Variants in EPS8 observed in about 807,000 individuals in gnomAD.
EPS8 encodes EGFR pathway substrate 8, signaling adaptor, also known as epidermal growth factor receptor kinase substrate 8.
A neutral mutation model predicts 103.8 loss-of-function variants in EPS8; 42 were observed. The ratio of observed to expected loss-of-function variants is 0.40; its 90% CI spans 0.32 to 0.52. The LOEUF is 0.52. Ranked by LOEUF, EPS8 falls within the 20% of genes least tolerant of loss-of-function variation. EPS8 has a pLI of 0.40. For synonymous variants in EPS8, 344 were observed against 344.6 expected, an observed-to-expected ratio of 1.00 and a Z score of 0.02; for missense variants, 969 against 1,005.1, an observed-to-expected ratio of 0.96 and a Z score of 0.49.
At chr12:15,630,887 G>A (rs1012235348) in intron 18 of EPS8, among the ~76,000 whole-genome samples, 2 of 152,072 alleles carry the variant, frequency 1.3e-5, no homozygotes, top group Non-Finnish European at 2.9e-5. Flanking sequence ...AAGTGTCCCT[G>A]GTCTCTACCC....
intron 13 of EPS8, among the ~76,000 whole-genome samples, chr12:15,653,537 TTCTC>T (rs1945452246): frequency 1.3e-5 from 2 of 152,284 alleles, no homozygotes; most frequent in African/African-American, 4.8e-5. Flanking sequence ...TCACTTCTGC[TTCTC>T]TCTCTACCTG....
chr12:15,704,023 T>C lies in EPS8; in HGVS notation c.-21-21051A>G, dbSNP rs1293579807. 6.6e-6 allele frequency among the ~76,000 whole-genome samples: 1 copy of C among 152,020 alleles called. No homozygotes were observed. Among genetic ancestry groups the C allele is most frequent in the Non-Finnish European group, 1.5e-5 (1 of 68,006 alleles). On this transcript the variant is annotated intron_variant, in intron 1 of 20. Coordinates refer to ENST00000281172, the MANE Select transcript of EPS8 (RefSeq NM_004447.6). This position sits in a 1 kb window ranked among gnomAD's most constrained non-coding sequence, Gnocchi z 4.6. ...CTAGAATTATTAGTTACACAAGAAA[T>C]CCAATGAAGCTATCTTCATCCTATT... is the stretch of plus-strand genomic sequence containing the variant.
In EPS8 at chr12:15,670,874, T is replaced by C. The variant is rs1360274232; in HGVS notation, c.186A>G (p.Ile62Met). The C allele has an allele frequency of 1.2e-6, 2 of 1,611,352 alleles. No homozygotes were observed. Among genetic ancestry groups the C allele is most frequent in the African/African-American group, 2.7e-5 (2 of 74,878 alleles). Residue 62 changes from isoleucine to methionine, a missense_variant, in exon 4 of 21, where the codon ATA (isoleucine) becomes ATG (methionine). By Grantham distance (10) the Ile-to-Met change is conservative. Transcript: ENST00000281172. ...ARDSVSSVSDISQYRVEHLTT... is the reference protein window; with the variant it reads ...ARDSVSSVSDMSQYRVEHLTT... ...ATCTTACTTCAACACGGTATTGAGA[T>C]ATATCTGACACACTGCTGACACTGT...
intron 16 of EPS8, 110 bp downstream of exon 16, chr12:15,641,612 C>G (rs984213723): frequency 4.0e-5 from 20 of 497,484 alleles, no homozygotes; most frequent in Non-Finnish European, 6.6e-5. Flanking sequence ...TTCTAATATA[C>G]TACGTCTTTA....
At position 15,701,058 on chromosome 12, in the gene EPS8, TAAAC is replaced by T. The variant is rs1946305464; in HGVS notation, c.-21-18090_-21-18087del. On this transcript the variant is annotated intron_variant, in intron 1 of 20. Transcript: ENST00000281172. This position sits in a 1 kb window ranked among gnomAD's most constrained non-coding sequence, Gnocchi z 5.1. The stretch of plus-strand genomic sequence containing the variant: ...TCTTTATACCATAGTCTCTTAATGA[TAAAC>T]AACCTTATGACTTCAATCTGCTAAA... Among the ~76,000 whole-genome samples the T allele has an allele frequency of 6.6e-6, 1 of 152,184 alleles. No homozygotes were observed. The highest frequency in any genetic ancestry group is 1.5e-5 in the Non-Finnish European group (1 of 68,038).
intron 1 of EPS8, among the ~76,000 whole-genome samples, chr12:15,765,371 T>A (rs1947082772): frequency 6.6e-6 from 1 of 152,174 alleles, no homozygotes; most frequent in Non-Finnish European, 1.5e-5. Context: ...TCTACCCATA[T>A]CAACTGGTGA....
intron 4 of EPS8, 91 bp downstream of exon 4, chr12:15,670,765 G>A: frequency 1.1e-6 from 1 of 877,760 alleles, no homozygotes; most frequent in Non-Finnish European, 1.8e-6. Flanking sequence ...TACATCATAA[G>A]AATGAAATAA....
chr12:15,773,095 A>G (rs1947170989), intron 1 of EPS8, among the ~76,000 whole-genome samples: 1 of 152,190 alleles, frequency 6.6e-6, no homozygotes, highest in Admixed American at 6.5e-5. Context: ...AGGTGGAAAC[A>G]AGACAGAAAT....
chr12:15,787,146 A>G lies in EPS8; in HGVS notation c.-22+2015T>C, dbSNP rs1947320007. ...TATTCTGGATACTATGTTTTCTTATACAAACCTTGGTTCAAGTGACCTGCT... is the reference window on the plus strand; with the variant it reads ...TATTCTGGATACTATGTTTTCTTATGCAAACCTTGGTTCAAGTGACCTGCT... On this transcript the variant is annotated intron_variant, in intron 1 of 20. Transcript: ENST00000281172. This position sits in a 1 kb window ranked among gnomAD's most constrained non-coding sequence, Gnocchi z 4.9. Among the ~76,000 whole-genome samples the G allele has an allele frequency of 6.6e-6, 1 of 152,184 alleles. No individual in the cohort carries two copies. The highest frequency in any genetic ancestry group is 2.4e-5 in the African/African-American group (1 of 41,466).
intron 17 of EPS8, among the ~76,000 whole-genome samples, chr12:15,640,124 A>G (rs1340178701): frequency 6.6e-6 from 1 of 152,270 alleles, no homozygotes; most frequent in Non-Finnish European, 1.5e-5. Context: ...TGGGCCTTCA[A>G]TGAACAAGAA....
rs111831436 is a variant in EPS8 at position 15,731,443 on chromosome 12, G to A, written c.-21-48471C>T. ...ATTCCCAAAAGCTGGGATTACAGGT[G>A]CCTGCCACCACGCCTGGCTAATTTT... On this transcript the variant is annotated intron_variant, in intron 1 of 20. Coordinates refer to ENST00000281172, the MANE Select transcript of EPS8 (RefSeq NM_004447.6). The surrounding 1 kb of genome is among the most constrained non-coding windows in gnomAD (Gnocchi z 5.1). Among the ~76,000 whole-genome samples the A allele has an allele frequency of 6.6e-6, 1 of 152,092 alleles. No individual in the cohort carries two copies. Among genetic ancestry groups the A allele is most frequent in the Non-Finnish European group, 1.5e-5 (1 of 68,012 alleles).
chr12:15,740,419 C>A (rs2136005033), intron 1 of EPS8, among the ~76,000 whole-genome samples: 1 of 152,096 alleles, frequency 6.6e-6, no homozygotes, highest in East Asian at 1.9e-4. Flanking sequence ...GTGGTGCATG[C>A]CTGTAATCCC....
chr12:15,743,106 T>G (rs938307457), intron 1 of EPS8, among the ~76,000 whole-genome samples: 1 of 152,176 alleles, frequency 6.6e-6, no homozygotes, highest in Non-Finnish European at 1.5e-5. Flanking sequence ...CAAGCATTCC[T>G]ATACACCAAT....
Position 15,698,040 on chromosome 12 carries a change from A to C in EPS8, c.-21-15068T>G, listed in dbSNP as rs1215901674. ...AGCTATCAATAAAACTAGAATTGAC[A>C]CTCTTATATCCAACTTTGAGGCAAC... is the stretch of plus-strand genomic sequence containing the variant. On this transcript the variant is annotated intron_variant, in intron 1 of 20. Transcript: ENST00000281172. This position sits in a 1 kb window ranked among gnomAD's most constrained non-coding sequence, Gnocchi z 4.9. Among the ~76,000 whole-genome samples the C allele has an allele frequency of 6.6e-6, 1 of 152,092 alleles. No homozygotes were observed. The highest frequency in any genetic ancestry group is 1.5e-5 in the Non-Finnish European group (1 of 68,020).
At position 15,702,203 on chromosome 12, in the gene EPS8, CT is replaced by C. The variant is rs756733851; in HGVS notation, c.-21-19232del. 2.0e-5 allele frequency among the ~76,000 whole-genome samples: 3 copies of C among 152,178 alleles called. No individual in the cohort carries two copies. Among genetic ancestry groups the C allele is most frequent in the African/African-American group, 7.2e-5 (3 of 41,442 alleles). On this transcript the variant is annotated intron_variant, in intron 1 of 20. Coordinates refer to ENST00000281172, the MANE Select transcript of EPS8 (RefSeq NM_004447.6). The surrounding 1 kb of genome is among the most constrained non-coding windows in gnomAD (Gnocchi z 5.1). ...CCTAAGGAAACAGAATATATTCCCC[CT>C]GTTAACACCACTCTGGAGATGCTAA...
intron 12 of EPS8, among the ~76,000 whole-genome samples, chr12:15,656,019 T>C (rs1019442757): frequency 1.3e-5 from 2 of 152,210 alleles, no homozygotes; most frequent in South Asian, 4.1e-4. Flanking sequence ...TACTAAACAT[T>C]GGCAAGTAAA....
chr12:15,666,586 A>C, intron 6 of EPS8, 64 bp from the exon 7 acceptor site: 1 of 1,173,564 alleles, frequency 8.5e-7, no homozygotes, highest in Non-Finnish European at 1.3e-6. Flanking sequence ...ATGTAGTTTA[A>C]AACAGAAAAA....
In EPS8 at chr12:15,778,214, G is replaced by A. The variant is rs1475902112; in HGVS notation, c.-22+10947C>T. Among the ~76,000 whole-genome samples, 2 of 152,102 alleles carry A rather than the reference G, an allele frequency of 1.3e-5. No individual in the cohort carries two copies. The highest frequency in any genetic ancestry group is 1.9e-4 in the East Asian group (1 of 5,190). On this transcript the variant is annotated intron_variant, in intron 1 of 20. Transcript: ENST00000281172. This position sits in a 1 kb window ranked among gnomAD's most constrained non-coding sequence, Gnocchi z 4.5. ...AGCAAATCTGAGAATTAATGCACAC[G>A]AAAATCTTCAGAGGGTGATTTTCAA...
intron 3 of EPS8, 79 bp from the exon 4 acceptor site, chr12:15,671,002 T>G (rs1945806627): frequency 4.0e-6 from 4 of 993,298 alleles, no homozygotes; most frequent in African/African-American, 1.6e-5. Context: ...TGGCTATCTC[T>G]AAAACTAGTC....
Sources: gnomAD v4.1 joint callset for allele counts (sites outside exome capture counted in the v4.1 genomes callset) on GRCh38, gnomAD v4.1.1 for gene constraint, Gnocchi (gnomAD v3.1) non-coding constraint, MANE v1.5 for transcripts, NCBI Gene and HGNC (gene_info 2026-07-23, HGNC 2026-07-21) for gene names.